FTCD: variants seen among roughly 807,000 people sequenced by gnomAD.
The protein encoded by FTCD is formimidoyltransferase cyclodeaminase, also known as formimidoyltransferase-cyclodeaminase.
FTCD carries 76 observed loss-of-function variants against 62.9 expected under a neutral mutation model. The observed-to-expected ratio is 1.21, with a 90% CI of 1.00 to 1.46. FTCD has a LOEUF of 1.46. Ranked by LOEUF, FTCD falls within the 40% of genes most tolerant of loss-of-function variation. The pLI, the probability that FTCD is intolerant of heterozygous loss-of-function variation, is 0.00. For synonymous variants in FTCD, 397 were observed against 336.9 expected, an observed-to-expected ratio of 1.18 and a Z score of -1.95; for missense variants, 845 against 751.3, an observed-to-expected ratio of 1.12 and a Z score of -1.46.
chr21:46,140,377 G>A (rs1412373931), intron 10 of FTCD, among the ~76,000 whole-genome samples: 2 of 112,666 alleles, frequency 1.8e-5, no homozygotes, highest in African/African-American at 7.3e-5. Flanking sequence ...CCACCTTCAC[G>A]TGGCTCACAG....
At chr21:46,142,031 G>C (rs764352341) in intron 10 of FTCD, 1 of 152,374 alleles carries the variant, frequency 6.6e-6, no homozygotes, top group Admixed American at 6.5e-5. Flanking sequence ...CAAGAGAGGC[G>C]AGCACTGGGC....
In FTCD at chr21:46,137,310, C is replaced by T. The variant is rs1433247118; in HGVS notation, c.1468G>A (p.Gly490Ser). ...ACGTTGAAATATGCGCCAAACACGC[C>T]CATCTCCAGGGCTTTGGCCGCCACC... ...LQVAAKALEM[G>S]VFGAYFNVLI... Residue 490 changes from glycine (G) to serine (S), a missense_variant, in exon 13 of 14, where the codon GGC becomes AGC. Coordinates refer to ENST00000397746, the MANE Select transcript of FTCD (RefSeq NM_206965.2). 6.2e-7 allele frequency: 1 copy of T among 1,613,766 alleles called. No homozygotes were observed. The highest frequency in any genetic ancestry group is 2.2e-5 in the East Asian group (1 of 44,880).
At chr21:46,139,241 G>A (rs1448862394) in intron 10 of FTCD, among the ~76,000 whole-genome samples, 3 of 152,142 alleles carry the variant, frequency 2.0e-5, no homozygotes, top group African/African-American at 7.2e-5. Context: ...GAACCTGTAG[G>A]CAGGAGTGGC....
chr21:46,154,938 G>T (rs1274420691), intron 1 of FTCD, among the ~76,000 whole-genome samples: 1 of 152,264 alleles, frequency 6.6e-6, no homozygotes, highest in African/African-American at 2.4e-5. Context: ...TCCCGGAGGA[G>T]CCTGGACCTC....
At chr21:46,145,359 C>T (rs1299958566) in intron 10 of FTCD, 58 bp downstream of exon 10, 9 of 1,442,340 alleles carry the variant, frequency 6.2e-6, no homozygotes, top group Middle Eastern at 2.2e-4. Flanking sequence ...CACTGGGGCC[C>T]CAGCTGGGGG....
intron 7 of FTCD, among the ~76,000 whole-genome samples, chr21:46,149,558 C>T (rs1313821106): frequency 2.6e-5 from 4 of 152,022 alleles, no homozygotes; most frequent in East Asian, 1.9e-4. Context: ...CAGACCAAGG[C>T]GGACAGCGGC....
rs778453294 is a variant in FTCD at position 46,137,327 on chromosome 21, G to C, written c.1451C>G (p.Ala484Gly). 6.2e-7 allele frequency: 1 copy of C among 1,612,172 alleles called. No individual in the cohort carries two copies. The highest frequency in any genetic ancestry group is 1.1e-5 in the South Asian group (1 of 91,036). Reference sequence around the variant, plus strand: ...AAACACGCCCATCTCCAGGGCTTTGGCCGCCACCTGCAAGGACCCCAGGGA... The same window carrying C: ...AAACACGCCCATCTCCAGGGCTTTGCCCGCCACCTGCAAGGACCCCAGGGA... Reference protein sequence around the residue: ...LACRSDLQVAAKALEMGVFGA... With the variant: ...LACRSDLQVAGKALEMGVFGA... The change falls in exon 13 of 14, where the codon GCC becomes GGC. Residue 484 changes from alanine to glycine, a missense_variant. Coordinates refer to ENST00000397746, the MANE Select transcript of FTCD (RefSeq NM_206965.2).
At chr21:46,152,757 G>A in intron 3 of FTCD, 150 bp downstream of exon 3, 1 of 659,010 alleles carries the variant, frequency 1.5e-6, no homozygotes, top group Non-Finnish European at 2.5e-6. Flanking sequence ...TTTCGGTATT[G>A]AGGGAGCTGC....
At chr21:46,138,991 C>T in intron 10 of FTCD, 68 bp from the exon 11 acceptor site, 1 of 1,190,142 alleles carries the variant, frequency 8.4e-7, no homozygotes, top group Non-Finnish European at 1.3e-6. Flanking sequence ...TCTGAGCTCC[C>T]ACAAGGGGCT....
At position 46,145,884 on chromosome 21, in the gene FTCD, C is replaced by A. The variant is rs373127146; in HGVS notation, c.1032G>T (p.Val344=). The A allele has an allele frequency of 8.1e-6, 12 of 1,482,460 alleles. No homozygotes were observed. Among genetic ancestry groups the A allele is most frequent in the East Asian group, 2.8e-5 (1 of 35,154 alleles). The allele number at this position is 1,482,460 out of a possible 1,614,324, so 91.8% of individuals were successfully genotyped here. Reference sequence around the variant, plus strand: ...CCGCAGAGCGGGCACCCACCTCCCCCACGAAGGCGCGCAGGGACTTGCTGC... The same window carrying A: ...CCGCAGAGCGGGCACCCACCTCCCCAACGAAGGCGCGCAGGGACTTGCTGC... ...GLGSKSLRAF[V]GEVGARSAAP... Residue 344 remains valine (V), a synonymous_variant, in exon 9 of 14, where the codon GTG becomes GTT. Coordinates refer to ENST00000397746, the MANE Select transcript of FTCD (RefSeq NM_206965.2).
chr21:46,138,068 T>C (rs2078910104), intron 12 of FTCD, among the ~76,000 whole-genome samples: 1 of 151,906 alleles, frequency 6.6e-6, no homozygotes, highest in Non-Finnish European at 1.5e-5. Context: ...CATATGTATC[T>C]ATTGTACAGC....
intron 10 of FTCD, among the ~76,000 whole-genome samples, chr21:46,144,059 T>C (rs1040915733): frequency 6.6e-6 from 1 of 151,978 alleles, no homozygotes; most frequent in Admixed American, 6.6e-5. Flanking sequence ...AGCTGTCCTC[T>C]CTCTCTCTGC....
rs1212416807 is a variant in FTCD at position 46,153,019 on chromosome 21, C to T, written c.255G>A (p.Met85Ile). The change falls in exon 3 of 14, where the codon ATG becomes ATA. Residue 85 changes from methionine (M) to isoleucine (I), a missense_variant. Transcript: ENST00000397746. ...TGAAGGGGCAGACGTCTAGGGCCCCCATGCGGGGGTGCTCTCCTGCAGAGA... is the reference window on the plus strand; with the variant it reads ...TGAAGGGGCAGACGTCTAGGGCCCCTATGCGGGGGTGCTCTCCTGCAGAGA... ...MSRHQGEHPR[M>I]GALDVCPFIP... 2.6e-6 allele frequency: 4 copies of T among 1,549,240 alleles called. No homozygotes were observed. The African/African-American group carries it at 4.1e-5, about 16-fold the overall frequency.
chr21:46,143,367 C>G (rs547947186), intron 10 of FTCD, among the ~76,000 whole-genome samples: 1 of 151,730 alleles, frequency 6.6e-6, no homozygotes, highest in East Asian at 1.9e-4. Context: ...TCCCTACCCC[C>G]CCTCCCCATC....
chr21:46,155,081 C>T (rs555901429), intron 1 of FTCD, among the ~76,000 whole-genome samples: 4 of 152,338 alleles, frequency 2.6e-5, no homozygotes, highest in Non-Finnish European at 4.4e-5. Flanking sequence ...GATGGAGAGG[C>T]GGCAGTGGGG....
chr21:46,137,263 G>A lies in FTCD; in HGVS notation c.1515C>T (p.Ile505=), dbSNP rs1371316126. The stretch of plus-strand genomic sequence containing the variant: ...CCTGGTCCTTAAATGCCTCGTCTGT[G>A]ATGTCCCTCAGGTTGATGAGCACGT... ...YFNVLINLRD[I]TDEAFKDQIH... Residue 505 remains isoleucine, a synonymous_variant, in exon 13 of 14, where the codon ATC becomes ATT. Transcript: ENST00000397746. 6.2e-7 allele frequency: 1 copy of A among 1,613,498 alleles called. No individual in the cohort carries two copies.
In FTCD at chr21:46,145,513, G is replaced by C. The variant is rs997493162; in HGVS notation, c.1164C>G (p.Asp388Glu). The C allele has an allele frequency of 7.1e-6, 11 of 1,550,384 alleles. No homozygotes were observed. Among genetic ancestry groups the C allele is most frequent in the Non-Finnish European group, 9.6e-6 (11 of 1,147,250 alleles). Residue 388 changes from aspartate to glutamate, a missense_variant, in exon 10 of 14, where the codon GAC becomes GAG. Transcript: ENST00000397746. ...TYGRRQFQSL[D>E]TTMRRLIPPF... ...GCGGGATCAGGCGCCGCATCGTCGT[G>C]TCCAGGGACTGGAATTGGCGCCGCC...
At chr21:46,144,910 C>T (rs1413303197) in intron 10 of FTCD, among the ~76,000 whole-genome samples, 2 of 151,204 alleles carry the variant, frequency 1.3e-5, no homozygotes, top group Non-Finnish European at 2.9e-5. Context: ...GTTCCTGTCC[C>T]GTTTGGAGGG....
chr21:46,139,502 T>G (rs1017978376), intron 10 of FTCD, among the ~76,000 whole-genome samples: 1 of 152,168 alleles, frequency 6.6e-6, no homozygotes, highest in Non-Finnish European at 1.5e-5. Flanking sequence ...AAGGACCCAC[T>G]GGGAGCCCTA....
Sources: gnomAD v4.1 joint callset for allele counts (sites outside exome capture counted in the v4.1 genomes callset) on GRCh38, gnomAD v4.1.1 for gene constraint, MANE v1.5 for transcripts, NCBI Gene and HGNC (gene_info 2026-07-23, HGNC 2026-07-21) for gene names.